Variants in MKNK1 observed in about 807,000 individuals in gnomAD.
MKNK1 encodes the protein MAPK interacting serine/threonine kinase 1.
MKNK1 carries 30 observed loss-of-function variants against 49.3 expected under a neutral mutation model. That is an observed-to-expected ratio of 0.61 (90% CI 0.46 to 0.83). MKNK1 has a LOEUF of 0.83. MKNK1 is among the 40% of genes least tolerant of loss of function. The pLI is 0.00. For missense variants in MKNK1, 423 were observed against 524.7 expected (o/e 0.81, Z 1.89); for synonymous variants, 176 against 201.7 (o/e 0.87, Z 1.08).
intron 9 of MKNK1, among the ~76,000 whole-genome samples, chr1:46,564,463 A>ATTTTT (rs1668654415): frequency 9.9e-5 from 4 of 40,216 alleles, no homozygotes; most frequent in African/African-American, 6.1e-4. Context: ...TGTTTTTTTT[A>ATTTTT]TTGTTTTTTT....
At chr1:46,585,249 C>CAAAAAAAAAAAAAA (rs58692301) in intron 2 of MKNK1, among the ~76,000 whole-genome samples, 1 of 62,138 alleles carries the variant, frequency 1.6e-5, no homozygotes, top group East Asian at 5.6e-4. Context: ...GATTCCGTCT[C>CAAAAAAAAAAAAAA]AAAAAAAAAA....
intron 4 of MKNK1, among the ~76,000 whole-genome samples, chr1:46,578,946 G>C (rs1671371259): frequency 6.6e-6 from 1 of 152,190 alleles, no homozygotes; most frequent in Admixed American, 6.5e-5. Flanking sequence ...GTAGAGATGG[G>C]TTTCACCATG....
intron 11 of MKNK1, 56 bp downstream of exon 11, chr1:46,561,422 G>A (rs1390205742): frequency 1.3e-6 from 2 of 1,526,452 alleles, no homozygotes; most frequent in South Asian, 1.3e-5. Context: ...CAGCTTCCTT[G>A]TGGCCATGCC....
intron 2 of MKNK1, among the ~76,000 whole-genome samples, chr1:46,588,234 T>A (rs1177225040): frequency 6.6e-6 from 1 of 151,624 alleles, no homozygotes; most frequent in Non-Finnish European, 1.5e-5. Flanking sequence ...TTTTCTTTTT[T>A]ATATTTTCAG....
intron 4 of MKNK1, among the ~76,000 whole-genome samples, chr1:46,579,155 G>A (rs967220991): frequency 2.0e-5 from 3 of 152,238 alleles, no homozygotes; most frequent in Admixed American, 6.5e-5. Flanking sequence ...GTTACCATGT[G>A]AAGCAATACT....
chr1:46,591,210 T>C (rs1423447437), intron 2 of MKNK1, among the ~76,000 whole-genome samples: 1 of 152,224 alleles, frequency 6.6e-6, no homozygotes, highest in Non-Finnish European at 1.5e-5. Flanking sequence ...AAGGACCGTC[T>C]GTCCATAGCG....
chr1:46,572,176 CA>C lies in MKNK1; in HGVS notation c.353-10del. 6.2e-7 allele frequency: 1 copy of C among 1,612,340 alleles called. No individual in the cohort carries two copies. The highest frequency in any genetic ancestry group is 1.3e-5 in the African/African-American group (1 of 74,958). ...GTGGGCTAAGATGGAACCTGGGGAG[CA>C]GAGGGGACATAGAAGAATGCCTTTT... On this transcript the variant is annotated splice_polypyrimidine_tract_variant and intron_variant, in intron 6 of 12. Transcript: ENST00000371945.
At chr1:46,597,574 C>T (rs79822368) in intron 1 of MKNK1, among the ~76,000 whole-genome samples, 12 of 152,306 alleles carry the variant, frequency 7.9e-5, no homozygotes, top group South Asian at 2.1e-4. Context: ...CCTGCAGTCT[C>T]GTCAAAAGGG....
intron 5 of MKNK1, 142 bp downstream of exon 5, chr1:46,576,433 T>G (rs1330553317): frequency 1.5e-6 from 1 of 664,776 alleles, no homozygotes; most frequent in East Asian, 2.7e-5. Flanking sequence ...TCCCTAACAC[T>G]GAAAGGGGCG....
intron 7 of MKNK1, among the ~76,000 whole-genome samples, chr1:46,570,525 T>A (rs553337852): frequency 6.6e-6 from 1 of 152,350 alleles, no homozygotes; most frequent in South Asian, 2.1e-4. Flanking sequence ...TCAATGAACC[T>A]GAACCTCCTG....
intron 8 of MKNK1, 31 bp downstream of exon 8, chr1:46,568,412 A>T (rs767714963): frequency 5.7e-5 from 91 of 1,609,556 alleles, no homozygotes; most frequent in Non-Finnish European, 7.4e-5. Context: ...GTAAGTATAA[A>T]CTATAACATT....
intron 4 of MKNK1, 34 bp downstream of exon 4, chr1:46,580,496 A>G (rs1671570542): frequency 7.0e-7 from 1 of 1,438,634 alleles, no homozygotes; most frequent in East Asian, 2.3e-5. Flanking sequence ...GACTATTTGC[A>G]AAGTAAAGCC....
At chr1:46,602,243 C>A (rs577842780) in intron 1 of MKNK1, among the ~76,000 whole-genome samples, 1 of 152,212 alleles carries the variant, frequency 6.6e-6, no homozygotes, top group Non-Finnish European at 1.5e-5. Context: ...GAAACCCCGT[C>A]TCTACTAAAA....
At chr1:46,574,689 C>T (rs1043600156) in intron 6 of MKNK1, 11 of 415,888 alleles carry the variant, frequency 2.6e-5, no homozygotes, top group African/African-American at 1.6e-4. Flanking sequence ...AAATCGATGA[C>T]TAAATGTATC....
Position 46,580,580 on chromosome 1 carries a change from T to C in MKNK1, c.148A>G (p.Lys50Glu). Reference sequence around the variant, plus strand: ...TGTAGGCTCACGGCACCTTGAACTTTGGCATAGGCTCCCTCTCCAAGCAAT... The same window carrying C: ...TGTAGGCTCACGGCACCTTGAACTTCGGCATAGGCTCCCTCTCCAAGCAAT... ...SELLGEGAYA[K>E]VQGAVSLQNG... Residue 50 changes from lysine to glutamate, a missense_variant, in exon 4 of 13, where the codon AAA becomes GAA. Coordinates refer to ENST00000371945, the MANE Select transcript of MKNK1 (RefSeq NM_001135553.4). The C allele has an allele frequency of 6.2e-7, 1 of 1,614,192 alleles. No individual in the cohort carries two copies. Among genetic ancestry groups the C allele is most frequent in the South Asian group, 1.1e-5 (1 of 91,078 alleles).
chr1:46,577,203 G>T (rs555906330), intron 4 of MKNK1, among the ~76,000 whole-genome samples: 1 of 152,300 alleles, frequency 6.6e-6, no homozygotes, highest in Middle Eastern at 3.4e-3. Context: ...TTACGGCCGG[G>T]TGTGGTGACT....
In MKNK1 at chr1:46,576,638, G is replaced by C. The variant is rs753373639; in HGVS notation, c.215C>G (p.Ala72Gly). ...AAACACCCTACTCCGACTGTGCCCT[G>C]CTTGTTTCTCGATGATCTGTGGGAA... Reference protein sequence around the residue: ...EYAVKIIEKQAGHSRSRVFRE... With the variant: ...EYAVKIIEKQGGHSRSRVFRE... The change falls in exon 5 of 13, where the codon GCA becomes GGA. Residue 72 changes from alanine to glycine, a missense_variant. Physicochemically the swap from Ala to Gly is moderately conservative, Grantham distance 60. Transcript: ENST00000371945. 8.1e-6 allele frequency: 13 copies of C among 1,613,962 alleles called. No homozygotes were observed. Among genetic ancestry groups the C allele is most frequent in the South Asian group, 1.1e-5 (1 of 91,086 alleles).
intron 8 of MKNK1, among the ~76,000 whole-genome samples, chr1:46,566,528 T>G (rs1384219227): frequency 6.6e-6 from 1 of 152,208 alleles, no homozygotes; most frequent in Non-Finnish European, 1.5e-5. Flanking sequence ...CTGGGTCATA[T>G]GGTAATTCTG....
intron 10 of MKNK1, among the ~76,000 whole-genome samples, chr1:46,562,092 C>A (rs981523266): frequency 2.0e-5 from 3 of 152,138 alleles, no homozygotes; most frequent in African/African-American, 7.2e-5. Flanking sequence ...GGGCAGGATG[C>A]ACCCTTTAAG....
Sources: gnomAD v4.1 joint callset for allele counts (sites outside exome capture counted in the v4.1 genomes callset) on GRCh38, gnomAD v4.1.1 for gene constraint, MANE v1.5 for transcripts, NCBI Gene and HGNC (gene_info 2026-07-23, HGNC 2026-07-21) for gene names.